PLCH1: variants seen among roughly 807,000 people sequenced by gnomAD.
The protein encoded by PLCH1 is phospholipase C eta 1, also known as 1-phosphatidylinositol 4,5-bisphosphate phosphodiesterase eta-1.
Under a neutral mutation model 126.7 loss-of-function variants are expected in PLCH1, and 60 were observed. That is an observed-to-expected ratio of 0.47 (90% CI 0.38 to 0.59). The LOEUF (loss-of-function observed/expected upper bound fraction) is 0.59, where lower values mean the gene tolerates loss of function less well. PLCH1 is among the 20% of genes least tolerant of loss of function. The probability of loss-of-function intolerance (pLI) is 0.00; values close to 1 mark genes in which losing one functional copy is unlikely to be tolerated. For synonymous variants in PLCH1, 719 were observed against 734.9 expected, an observed-to-expected ratio of 0.98 and a Z score of 0.35; for missense variants, 1,723 against 2,040.0, an observed-to-expected ratio of 0.84 and a Z score of 2.99.
chr3:155,470,040 C>G (rs28812235), intron 21 of PLCH1, among the ~76,000 whole-genome samples: 82,838 of 151,916 alleles, frequency 0.55, 26,464 homozygotes, highest in Admixed American at 0.7. Context: ...CAAAGGAACG[C>G]AGTTCCTCAC....
intron 1 of PLCH1, among the ~76,000 whole-genome samples, chr3:155,719,373 G>A (rs1315813147): frequency 6.6e-6 from 1 of 152,076 alleles, no homozygotes. Context: ...TTGTGGGGTT[G>A]GGGGAGGGGG....
At chr3:155,550,589 G>A (rs1175008376) in intron 9 of PLCH1, among the ~76,000 whole-genome samples, 1 of 152,190 alleles carries the variant, frequency 6.6e-6, no homozygotes, top group Non-Finnish European at 1.5e-5. Context: ...CAGAAAACAT[G>A]AGATCCATGT....
chr3:155,712,994 T>TAAAA (rs10684622), intron 1 of PLCH1, among the ~76,000 whole-genome samples: 110 of 143,038 alleles, frequency 7.7e-4, no homozygotes, highest in African/African-American at 2.7e-3. Flanking sequence ...ATCTTGTCTT[T>TAAAA]AAAAAAAAAA....
chr3:155,563,260 C>T (rs753901692), intron 8 of PLCH1, among the ~76,000 whole-genome samples: 1 of 152,162 alleles, frequency 6.6e-6, no homozygotes, highest in Admixed American at 6.5e-5. Flanking sequence ...ATTTTGGAAT[C>T]CTTATCTTGC....
intron 3 of PLCH1, among the ~76,000 whole-genome samples, chr3:155,594,896 A>G (rs1356872240): frequency 6.6e-6 from 1 of 152,266 alleles, no homozygotes; most frequent in Non-Finnish European, 1.5e-5. Flanking sequence ...TGCAACATGC[A>G]TAAGAAGATC....
intron 21 of PLCH1, among the ~76,000 whole-genome samples, chr3:155,455,703 T>A (rs1712420701): frequency 6.6e-6 from 1 of 152,236 alleles, no homozygotes; most frequent in South Asian, 2.1e-4. Flanking sequence ...CAAAGCTGTT[T>A]CTTTTGAAGA....
At chr3:155,734,383 C>T (rs1301371248) in intron 1 of PLCH1, among the ~76,000 whole-genome samples, 2 of 152,048 alleles carry the variant, frequency 1.3e-5, no homozygotes, top group Non-Finnish European at 2.9e-5. Flanking sequence ...TTGCTTGAGC[C>T]CATGAGGTCA....
chr3:155,743,325 A>G, intron 1 of PLCH1: 2 of 425,462 alleles, frequency 4.7e-6, no homozygotes, highest in African/African-American at 2.1e-5. Context: ...TGAGGTCAGG[A>G]GTTCCAGACC....
At chr3:155,690,815 T>G (rs570817488) in intron 2 of PLCH1, among the ~76,000 whole-genome samples, 2 of 152,338 alleles carry the variant, frequency 1.3e-5, no homozygotes, top group East Asian at 3.9e-4. Context: ...GGTGGTCTCC[T>G]AAAGCAATGC....
At chr3:155,452,385 T>G (rs1712331661) in intron 21 of PLCH1, among the ~76,000 whole-genome samples, 1 of 152,104 alleles carries the variant, frequency 6.6e-6, no homozygotes, top group African/African-American at 2.4e-5. Flanking sequence ...AGGTGAGATT[T>G]GGGTGGGGAC....
chr3:155,455,700 G>T (rs1306002417), intron 21 of PLCH1, among the ~76,000 whole-genome samples: 1 of 152,218 alleles, frequency 6.6e-6, no homozygotes, highest in Non-Finnish European at 1.5e-5. Flanking sequence ...AGGCAAAGCT[G>T]TTTCTTTTGA....
intron 12 of PLCH1, among the ~76,000 whole-genome samples, chr3:155,512,774 A>AC (rs1260320749): frequency 6.6e-6 from 1 of 152,212 alleles, no homozygotes; most frequent in Non-Finnish European, 1.5e-5. Flanking sequence ...TTTATCCTCC[A>AC]AACTATGAGG....
At chr3:155,454,959 A>G (rs1712404711) in intron 21 of PLCH1, among the ~76,000 whole-genome samples, 2 of 152,218 alleles carry the variant, frequency 1.3e-5, no homozygotes, top group South Asian at 4.1e-4. Context: ...AAGGGATTTG[A>G]ATGCAAGCAC....
intron 8 of PLCH1, among the ~76,000 whole-genome samples, chr3:155,556,665 G>A (rs1726857932): frequency 6.6e-6 from 1 of 152,210 alleles, no homozygotes; most frequent in Non-Finnish European, 1.5e-5. Context: ...AGCCGATTAT[G>A]CTCCACAATG....
chr3:155,742,449 C>T (rs565917531), intron 1 of PLCH1: 1 of 152,196 alleles, frequency 6.6e-6, no homozygotes, highest in Non-Finnish European at 1.5e-5. Context: ...CACTATAAAT[C>T]CTCGCTCTGC....
chr3:155,618,688 C>T (rs1481148695), intron 2 of PLCH1, among the ~76,000 whole-genome samples: 1 of 152,150 alleles, frequency 6.6e-6, no homozygotes, highest in Non-Finnish European at 1.5e-5. Context: ...GCTCTGTTGC[C>T]CAGGCTAGAG....
At position 155,582,750 on chromosome 3, in the gene PLCH1, T is replaced by C. The variant is rs117002261; in HGVS notation, c.771+722A>G. ...AAGCCTCCTCTCAAGAAGTCTAATA[T>C]AAAAGGTTAAAAAATTTGAATAAAA... On this transcript the variant is annotated intron_variant, in intron 6 of 22. Transcript: ENST00000460012. Among the ~76,000 whole-genome samples, 63 of 152,244 alleles carry C rather than the reference T, an allele frequency of 4.1e-4. 1 individual carries two copies. The East Asian group carries it at 0.012, about 29-fold the overall frequency.
At chr3:155,563,423 T>A (rs1160889397) in intron 8 of PLCH1, among the ~76,000 whole-genome samples, 1 of 152,146 alleles carries the variant, frequency 6.6e-6, no homozygotes, top group African/African-American at 2.4e-5. Context: ...AGTGGCACCA[T>A]CCACCTTCTA....
At chr3:155,562,185 C>T (rs1028197720) in intron 8 of PLCH1, among the ~76,000 whole-genome samples, 7 of 152,116 alleles carry the variant, frequency 4.6e-5, no homozygotes, top group African/African-American at 1.7e-4. Flanking sequence ...CTATTTAATC[C>T]CTTAGCACTG....
Sources: gnomAD v4.1 joint callset for allele counts (sites outside exome capture counted in the v4.1 genomes callset) on GRCh38, gnomAD v4.1.1 for gene constraint, MANE v1.5 for transcripts, NCBI Gene and HGNC (gene_info 2026-07-23, HGNC 2026-07-21) for gene names.